The following ANOS1 variants were observed in gnomAD, a reference collection of about 807,000 sequenced individuals.
ANOS1 encodes anosmin-1.
A neutral mutation model predicts 59.0 loss-of-function variants in ANOS1; 6 were observed. The observed-to-expected ratio is 0.10, with a 90% CI of 0.06 to 0.20. ANOS1 has a LOEUF of 0.20. Among genes scored for constraint, ANOS1 ranks in the 10% least tolerant of loss-of-function variants. ANOS1 has a pLI of 1.00. For synonymous variants in ANOS1, 217 were observed against 223.4 expected (o/e 0.97, Z 0.25); for missense variants, 433 against 542.3 (o/e 0.80, Z 2.00).
intron 6 of ANOS1, among the ~76,000 whole-genome samples, chrX:8,571,061 C>T (rs747826994): frequency 9.8e-6 from 1 of 101,954 alleles, no homozygotes; most frequent in African/African-American, 3.7e-5. Context: ...CAGTGAGCCG[C>T]GATTAGCACC....
intron 3 of ANOS1, 97 bp downstream of exon 3, chrX:8,623,511 C>G (rs1931334077): frequency 8.0e-6 from 5 of 624,130 alleles, no homozygotes; most frequent in African/African-American, 2.2e-5. Flanking sequence ...TCTCCCCAAG[C>G]TGCAGAAGAA....
intron 1 of ANOS1, among the ~76,000 whole-genome samples, chrX:8,717,356 A>AT (rs776164662): frequency 7.1e-5 from 8 of 111,970 alleles, no homozygotes; most frequent in Non-Finnish European, 1.5e-4. Flanking sequence ...CGACTAGTCT[A>AT]TATTTGTTTT....
intron 6 of ANOS1, among the ~76,000 whole-genome samples, chrX:8,573,618 T>C (rs1930270714): frequency 9.0e-6 from 1 of 111,447 alleles, no homozygotes; most frequent in Non-Finnish European, 1.9e-5. Context: ...CATTCAAATA[T>C]CAATACTCAA....
At chrX:8,626,051 G>A (rs749645217) in intron 2 of ANOS1, among the ~76,000 whole-genome samples, 11 of 96,121 alleles carry the variant, frequency 1.1e-4, no homozygotes, top group African/African-American at 4.3e-4. Flanking sequence ...GGCAGAGGTT[G>A]CAGTGAGCTG....
intron 2 of ANOS1, among the ~76,000 whole-genome samples, chrX:8,624,161 G>A (rs960314224): frequency 9.3e-6 from 1 of 107,716 alleles, no homozygotes; most frequent in African/African-American, 3.4e-5. Flanking sequence ...GATTACAGGC[G>A]CCTGCCACCA....
intron 2 of ANOS1, among the ~76,000 whole-genome samples, chrX:8,682,929 C>T (rs1421141758): frequency 9.0e-6 from 1 of 111,638 alleles, no homozygotes; most frequent in Non-Finnish European, 1.9e-5. Flanking sequence ...CACGGACCAT[C>T]ATCTACTGGA....
intron 2 of ANOS1, among the ~76,000 whole-genome samples, chrX:8,656,144 C>T (rs1230271444): frequency 8.9e-6 from 1 of 112,317 alleles, no homozygotes; most frequent in Non-Finnish European, 1.9e-5. Flanking sequence ...TCTGACCCAG[C>T]CACTACCTGC....
At chrX:8,670,955 T>TC (rs1253257938) in intron 2 of ANOS1, among the ~76,000 whole-genome samples, 2 of 110,761 alleles carry the variant, frequency 1.8e-5, no homozygotes, top group Admixed American at 1.9e-4. Context: ...GCCTCCCATC[T>TC]CCCGAAATCC....
At chrX:8,677,723 C>T (rs774420459) in intron 2 of ANOS1, among the ~76,000 whole-genome samples, 2 of 111,894 alleles carry the variant, frequency 1.8e-5, no homozygotes. Context: ...TCTGAAAGGG[C>T]TAAGCATATG....
intron 1 of ANOS1, among the ~76,000 whole-genome samples, chrX:8,720,081 A>G (rs1932864607): frequency 8.9e-6 from 1 of 112,009 alleles, no homozygotes; most frequent in African/African-American, 3.2e-5. Context: ...CCTAACTTTT[A>G]TATTTTGCAG....
intron 3 of ANOS1, among the ~76,000 whole-genome samples, chrX:8,623,015 G>A (rs1013480983): frequency 2.0e-5 from 2 of 99,592 alleles, no homozygotes; most frequent in Non-Finnish European, 4.0e-5. Context: ...ATGGATAGCT[G>A]GATGGATGGA....
At chrX:8,617,091 G>A (rs4830598) in intron 3 of ANOS1, among the ~76,000 whole-genome samples, 42,753 of 111,081 alleles carry the variant, frequency 0.38, 5,928 homozygotes, top group South Asian at 0.43. Context: ...GTTCTGATAT[G>A]TTAAAGCAAA....
At position 8,533,079 on chromosome X, in the gene ANOS1, C is replaced by A. The variant is rs41303179; in HGVS notation, c.1985-26G>T. ...CTAAAAAGTGACAAAATATGTCAGT[C>A]ACATCCATTTGTATGTATCAAATAA... is the stretch of plus-strand genomic sequence containing the variant. On this transcript the variant is annotated intron_variant, in intron 13 of 13. Coordinates refer to ENST00000262648, the MANE Select transcript of ANOS1 (RefSeq NM_000216.4). 277,226 of 953,021 alleles carry A rather than the reference C, an allele frequency of 0.29. 29,369 individuals are homozygous for A. The highest frequency in any genetic ancestry group is 0.55 in the East Asian group (17,914 of 32,405). 78.5% of individuals were successfully genotyped at this position (953,021 alleles called of 1,213,427 possible).
chrX:8,588,130 T>A lies in ANOS1; in HGVS notation c.542-152A>T. ...TGGCCTCTCCATACAGGGTTTCACA[T>A]CTGAAGTCTTCTGACACTCAGTTCA... On this transcript the variant is annotated intron_variant, in intron 4 of 13. Transcript: ENST00000262648. The A allele has an allele frequency of 7.8e-6, 4 of 512,178 alleles. No individual in the cohort carries two copies. In the South Asian group the frequency reaches 1.1e-4, roughly 14 times the overall value. 42.2% of individuals were successfully genotyped at this position (512,178 alleles called of 1,213,427 possible). A position where few individuals can be genotyped will look rare whatever the true frequency, so the allele number is the denominator to read the frequency against.
Position 8,730,999 on chromosome X carries a change from C to T in ANOS1, c.207+831G>A, listed in dbSNP as rs766298078. On this transcript the variant is annotated intron_variant, in intron 1 of 13. Coordinates refer to ENST00000262648, the MANE Select transcript of ANOS1 (RefSeq NM_000216.4). ...CCCGCTGGAGCCAAGCGCGCGGCTC[C>T]CGGAGCCTCCCACACAAGCGCGCGC... is the stretch of plus-strand genomic sequence containing the variant. 4.8e-4 allele frequency among the ~76,000 whole-genome samples: 54 copies of T among 111,724 alleles called. 1 individual carries two copies. Among genetic ancestry groups the T allele is most frequent in the Non-Finnish European group, 3.2e-4 (17 of 52,978 alleles).
In ANOS1 at chrX:8,531,598, T is replaced by C. The variant is rs1321283485; in HGVS notation, c.*1397A>G. The stretch of plus-strand genomic sequence containing the variant: ...TTATCCTTATGACCTTTAAAAGAGC[T>C]GTATCTTTACTCACCATTGGTGAGC... On this transcript the variant is annotated 3_prime_UTR_variant, in exon 14 of 14. Coordinates refer to ENST00000262648, the MANE Select transcript of ANOS1 (RefSeq NM_000216.4). 1.8e-5 allele frequency: 2 copies of C among 111,895 alleles called. No individual in the cohort carries two copies. Among genetic ancestry groups the C allele is most frequent in the African/African-American group, 3.2e-5 (1 of 30,817 alleles). The allele number at this position is 111,895 out of a possible 1,213,427, so 9.2% of individuals were successfully genotyped here.
At chrX:8,571,451 C>T (rs758302048) in intron 6 of ANOS1, among the ~76,000 whole-genome samples, 1 of 111,180 alleles carries the variant, frequency 9.0e-6, no homozygotes, top group Non-Finnish European at 1.9e-5. Context: ...ATCTTCGTGC[C>T]CTGTAGCTAG....
intron 7 of ANOS1, among the ~76,000 whole-genome samples, chrX:8,569,213 T>G (rs1281281712): frequency 2.7e-5 from 3 of 112,483 alleles, no homozygotes; most frequent in Non-Finnish European, 5.6e-5. Flanking sequence ...CATTTCATCA[T>G]GTCACTTTTT....
At chrX:8,729,564 T>A (rs1219221777) in intron 1 of ANOS1, among the ~76,000 whole-genome samples, 1 of 104,682 alleles carries the variant, frequency 9.6e-6, no homozygotes, top group Non-Finnish European at 2.0e-5. Flanking sequence ...ACCAGGCTAA[T>A]TTTTGTATTT....
Sources: gnomAD v4.1 joint callset for allele counts (sites outside exome capture counted in the v4.1 genomes callset) on GRCh38, gnomAD v4.1.1 for gene constraint, MANE v1.5 for transcripts, NCBI Gene and HGNC (gene_info 2026-07-23, HGNC 2026-07-21) for gene names.